DEPDC7: variants seen among roughly 807,000 people sequenced by gnomAD.
DEPDC7 encodes DEP domain-containing protein 7.
In DEPDC7, 41 loss-of-function variants were observed where a neutral mutation model predicts 56.6. That is an observed-to-expected ratio of 0.72 (90% CI 0.56 to 0.94). The LOEUF (loss-of-function observed/expected upper bound fraction) is 0.94, where lower values mean the gene tolerates loss of function less well. Ranked by LOEUF, DEPDC7 falls within the 40% of genes least tolerant of loss-of-function variation. DEPDC7 has a pLI of 0.00. For missense variants in DEPDC7, 522 were observed against 596.3 expected (o/e 0.88, Z 1.30); for synonymous variants, 185 against 208.8 (o/e 0.89, Z 0.98).
chr11:33,028,417 A>ATT, intron 3 of DEPDC7, 186 bp from the exon 4 acceptor site: 1 of 471,186 alleles, frequency 2.1e-6, no homozygotes, highest in African/African-American at 2.0e-5. Flanking sequence ...TCCAAAGCCT[A>ATT]TTCTCCTACA....
rs1415077317 is a variant in DEPDC7, at chr11:33,025,856, C to T, written c.271C>T (p.Pro91Ser). 2.5e-6 allele frequency: 4 copies of T among 1,614,134 alleles called. No homozygotes were observed. The highest frequency in any genetic ancestry group is 3.4e-6 in the Non-Finnish European group (4 of 1,180,024). Residue 91 changes from proline to serine, a missense_variant, in exon 2 of 9, where the codon CCT becomes TCT. Physicochemically the swap from Pro to Ser is moderately conservative, Grantham distance 74. Transcript: ENST00000241051. The stretch of plus-strand genomic sequence containing the variant: ...TAAGTATTTTGGTGATGTAGATATT[C>T]CTCGAGCCAAAGTGGTGAGAGTGTG... The part of the protein sequence containing the change: ...QNKYFGDVDI[P>S]RAKVVRVCQA...
At chr11:33,018,114 C>T (rs1355030507) in intron 1 of DEPDC7, among the ~76,000 whole-genome samples, 1 of 152,180 alleles carries the variant, frequency 6.6e-6, no homozygotes, top group African/African-American at 2.4e-5. Flanking sequence ...CAGAGGCAAT[C>T]GCAGTCTTCA....
intron 5 of DEPDC7, 30 bp from the exon 6 acceptor site, chr11:33,032,306 T>G: frequency 1.3e-6 from 2 of 1,549,134 alleles, no homozygotes; most frequent in South Asian, 2.5e-5. Flanking sequence ...ATTTGGTCAA[T>G]TAAAAGCAGT....
At chr11:33,024,374 A>G (rs1057048599) in intron 1 of DEPDC7, among the ~76,000 whole-genome samples, 4 of 152,224 alleles carry the variant, frequency 2.6e-5, no homozygotes, top group African/African-American at 7.2e-5. Context: ...ATAAGCCTGC[A>G]TAATAGGAGG....
intron 8 of DEPDC7, 145 bp from the exon 9 acceptor site, chr11:33,033,117 G>T: frequency 1.1e-6 from 1 of 909,106 alleles, no homozygotes; most frequent in Non-Finnish European, 1.6e-6. Context: ...CTTTACAAGT[G>T]TTAGAAAGTC....
intron 2 of DEPDC7, chr11:33,026,773 T>TTTTTCTTTTCTTTTCTTTTC (rs111687548): frequency 0.01 from 1,513 of 146,676 alleles, 32 homozygotes; most frequent in African/African-American, 0.036. Context: ...TGGCTAATTT[T>TTTTTCTTTTCTTTTCTTTTC]TTTTCTTTTC....
chr11:33,018,116 C>T (rs563785804), intron 1 of DEPDC7, among the ~76,000 whole-genome samples: 2 of 152,322 alleles, frequency 1.3e-5, no homozygotes, highest in African/African-American at 2.4e-5. Context: ...GAGGCAATCG[C>T]AGTCTTCAGC....
At chr11:33,032,609 T>C in intron 6 of DEPDC7, 59 bp from the exon 7 acceptor site, 3 of 1,355,068 alleles carry the variant, frequency 2.2e-6, no homozygotes, top group Non-Finnish European at 3.0e-6. Flanking sequence ...ATATTCCCTT[T>C]TATATTAAAC....
chr11:33,020,596 C>T (rs1292398818), intron 1 of DEPDC7, among the ~76,000 whole-genome samples: 1 of 152,160 alleles, frequency 6.6e-6, no homozygotes, highest in African/African-American at 2.4e-5. Flanking sequence ...TGTTCAATGT[C>T]CTTATCTAAA....
At position 33,032,502 on chromosome 11, in the gene DEPDC7, G is replaced by C. The variant is rs768569284; in HGVS notation, c.1137+24G>C. Reference sequence around the variant, plus strand: ...AAGTAAGTCTTTTGTTTAACTGTTAGTTGTATTTAATATCCTTAATACTTA... The same window carrying C: ...AAGTAAGTCTTTTGTTTAACTGTTACTTGTATTTAATATCCTTAATACTTA... On this transcript the variant is annotated intron_variant, in intron 6 of 8. Transcript: ENST00000241051. 5 of 1,540,946 alleles carry C rather than the reference G, an allele frequency of 3.2e-6. No homozygotes were observed. The East Asian group carries it at 1.2e-4, about 36-fold the overall frequency.
intron 1 of DEPDC7, chr11:33,016,605 G>A (rs769860928): frequency 1.2e-5 from 20 of 1,611,816 alleles, no homozygotes; most frequent in Non-Finnish European, 1.6e-5. Flanking sequence ...AACACTTTAT[G>A]TATAAGCAGT....
rs773750145 is a variant in DEPDC7 at position 33,032,757 on chromosome 11, A to G, written c.1227A>G (p.Val409=). 1 of 1,606,442 alleles carries G rather than the reference A, an allele frequency of 6.2e-7. No individual in the cohort carries two copies. Among genetic ancestry groups the G allele is most frequent in the African/African-American group, 1.3e-5 (1 of 74,556 alleles). ...CCAAAGGCAAAACAGATCTTCTGGT[A>G]CTCTTTTTAATGGATCATCAGAAAG... ...NLSKGKTDLL[V]LFLMDHQKDV... The change falls in exon 7 of 9, where the codon GTA becomes GTG. Residue 409 remains valine, a synonymous_variant. Coordinates refer to ENST00000241051, the MANE Select transcript of DEPDC7 (RefSeq NM_001077242.2).
intron 3 of DEPDC7, 46 bp from the exon 4 acceptor site, chr11:33,028,557 G>A: frequency 6.8e-7 from 1 of 1,461,942 alleles, no homozygotes; most frequent in Non-Finnish European, 9.2e-7. Context: ...TGAGCATATA[G>A]TAACTATTAA....
At chr11:33,021,194 T>C (rs962745488) in intron 1 of DEPDC7, among the ~76,000 whole-genome samples, 2 of 149,374 alleles carry the variant, frequency 1.3e-5, no homozygotes, top group East Asian at 4.0e-4. Context: ...GAGGTTGCAG[T>C]GAGCCAAGAT....
At position 33,033,307 on chromosome 11, in the gene DEPDC7, A is replaced by G. The variant is rs779810744; in HGVS notation, c.1388A>G (p.Asn463Ser). The change falls in exon 9 of 9, where the codon AAT becomes AGT. Residue 463 changes from asparagine (N) to serine (S), a missense_variant. By Grantham distance (46) the Asn-to-Ser change is conservative. Coordinates refer to ENST00000241051, the MANE Select transcript of DEPDC7 (RefSeq NM_001077242.2). ...ATTGATCAACGTGACTATTCCAACA[A>G]TACAGAGAAGACAACCAAAGATGAG... ...QRIDQRDYSNNTEKTTKDELL... is the reference protein window; with the variant it reads ...QRIDQRDYSNSTEKTTKDELL... 9 of 1,606,534 alleles carry G rather than the reference A, an allele frequency of 5.6e-6. No individual in the cohort carries two copies. In the Admixed American group the frequency reaches 7.0e-5, roughly 12 times the overall value.
In DEPDC7 at chr11:33,016,705, CT is replaced by C. The variant is rs1249703806; in HGVS notation, c.73+681del. ...AATTCTGCCACGGGCCTAATCGTGT[CT>C]TTTGGGGGCAGTTGATTTAGGATTC... is the stretch of plus-strand genomic sequence containing the variant. On this transcript the variant is annotated intron_variant, in intron 1 of 8. Transcript: ENST00000241051. The C allele has an allele frequency of 4.9e-5, 44 of 896,612 alleles. 2 individuals carry two copies. In the South Asian group the frequency reaches 5.6e-4, roughly 11 times the overall value. The allele number at this position is 896,612 out of a possible 1,614,324, so 55.5% of individuals were successfully genotyped here.
At chr11:33,026,177 A>C in intron 2 of DEPDC7, 128 bp downstream of exon 2, 1 of 1,025,148 alleles carries the variant, frequency 9.8e-7, no homozygotes, top group South Asian at 1.4e-5. Context: ...TCTGTGGGTA[A>C]ATTTGATAAA....
Position 33,025,803 on chromosome 11 carries a change from A to T in DEPDC7, c.218A>T (p.Asp73Val), listed in dbSNP as rs767956674. 3 of 1,614,170 alleles carry T rather than the reference A, an allele frequency of 1.9e-6. No individual in the cohort carries two copies. In the Admixed American group the frequency reaches 5.0e-5, roughly 27 times the overall value. ...TGCTTTGTTGGTTCAGAAGCTGTGG[A>T]TGTCATTTTTTCTCACCTAATTCAG... ...NDCFVGSEAV[D>V]VIFSHLIQNK... Residue 73 changes from aspartate to valine, a missense_variant, in exon 2 of 9, where the codon GAT becomes GTT. Asp to Val is a radical substitution (Grantham distance 152). Coordinates refer to ENST00000241051, the MANE Select transcript of DEPDC7 (RefSeq NM_001077242.2).
chr11:33,024,838 GTA>G (rs1554938161), intron 1 of DEPDC7, among the ~76,000 whole-genome samples: 13 of 141,140 alleles, frequency 9.2e-5, no homozygotes, highest in African/African-American at 3.5e-4. Context: ...GTGTGTGTGT[GTA>G]TGACTCATAA....
Sources: allele counts gnomAD v4.1 joint callset (sites outside exome capture counted in the v4.1 genomes callset), GRCh38; gene constraint gnomAD v4.1.1; transcripts MANE v1.5; gene names NCBI Gene and HGNC (gene_info 2026-07-23, HGNC 2026-07-21).